CDIN1: variants seen among roughly 807,000 people sequenced by gnomAD.
CDIN1 encodes the protein CDAN1-interacting nuclease 1.
In CDIN1, 33 loss-of-function variants were observed where a neutral mutation model predicts 45.3. That is an observed-to-expected ratio of 0.73 (90% CI 0.55 to 0.97). The LOEUF is 0.97. Among genes scored for constraint, CDIN1 ranks in the 50% least tolerant of loss-of-function variants. The probability of loss-of-function intolerance (pLI) is 0.00; values close to 1 mark genes in which losing one functional copy is unlikely to be tolerated. For missense variants in CDIN1, 303 were observed against 339.4 expected (o/e 0.89, Z 0.84); for synonymous variants, 118 against 124.4 (o/e 0.95, Z 0.34).
intron 1 of CDIN1, chr15:36,617,714 A>C (rs1305901166): frequency 6.4e-6 from 5 of 786,710 alleles, no homozygotes; most frequent in African/African-American, 5.1e-5. Context: ...TTCCTGAAAC[A>C]ACACCAATAG....
intron 10 of CDIN1, among the ~76,000 whole-genome samples, chr15:36,803,375 C>T (rs543405472): frequency 2.0e-5 from 3 of 151,774 alleles, no homozygotes; most frequent in Admixed American, 6.6e-5. Context: ...GGCAGTCCCG[C>T]GAACCTAGGT....
chr15:36,789,078 C>T (rs2054580584), intron 10 of CDIN1, among the ~76,000 whole-genome samples: 1 of 152,170 alleles, frequency 6.6e-6, no homozygotes, highest in Non-Finnish European at 1.5e-5. Context: ...ACAAAAAAAT[C>T]TCATAATGTT....
chr15:36,615,429 G>A (rs976491664), intron 1 of CDIN1, among the ~76,000 whole-genome samples: 1 of 152,142 alleles, frequency 6.6e-6, no homozygotes, highest in African/African-American at 2.4e-5. Context: ...TTTTGATACT[G>A]AATATTGACA....
chr15:36,594,329 A>C (rs2037718502), intron 1 of CDIN1, among the ~76,000 whole-genome samples: 1 of 152,224 alleles, frequency 6.6e-6, no homozygotes, highest in Admixed American at 6.5e-5. Flanking sequence ...ATTCCCAAAG[A>C]CTATGGAAGC....
At chr15:36,751,227 TTTTATATA>T (rs1245239904) in intron 10 of CDIN1, among the ~76,000 whole-genome samples, 7 of 34,396 alleles carry the variant, frequency 2.0e-4, no homozygotes, top group East Asian at 2.3e-3. Context: ...TATATGCTTA[TTTTATATA>T]TATATATATA....
chr15:36,691,575 G>A (rs1419692669), intron 5 of CDIN1, 110 bp from the exon 6 acceptor site: 3 of 657,254 alleles, frequency 4.6e-6, no homozygotes, highest in Non-Finnish European at 7.7e-6. Context: ...ATTAATGCCA[G>A]TCATATTTTT....
chr15:36,648,747 G>A (rs2040457191), intron 3 of CDIN1: 1 of 152,112 alleles, frequency 6.6e-6, no homozygotes, highest in South Asian at 2.1e-4. Flanking sequence ...TTCTATTATT[G>A]TAAATAAAAC....
intron 10 of CDIN1, among the ~76,000 whole-genome samples, chr15:36,763,970 C>T (rs1288348606): frequency 2.6e-5 from 4 of 152,136 alleles, no homozygotes; most frequent in Non-Finnish European, 4.4e-5. Flanking sequence ...ATTCTCTATG[C>T]GTACCAAAAC....
At chr15:36,622,652 A>G (rs780355662) in intron 1 of CDIN1, among the ~76,000 whole-genome samples, 2 of 152,146 alleles carry the variant, frequency 1.3e-5, no homozygotes, top group Non-Finnish European at 2.9e-5. Context: ...GTAACAGCAA[A>G]TGGGACTTAT....
intron 10 of CDIN1, among the ~76,000 whole-genome samples, chr15:36,802,084 A>G (rs2141133913): frequency 6.6e-6 from 1 of 152,296 alleles, no homozygotes; most frequent in Non-Finnish European, 1.5e-5. Flanking sequence ...TATAAACACA[A>G]GGTATAATGA....
At chr15:36,582,624 C>A (rs567209714) in intron 1 of CDIN1, among the ~76,000 whole-genome samples, 1 of 152,260 alleles carries the variant, frequency 6.6e-6, no homozygotes, top group African/African-American at 2.4e-5. Flanking sequence ...TAAAAATAGT[C>A]GTGTTGACCC....
chr15:36,670,646 TC>T (rs2041416500), intron 5 of CDIN1, among the ~76,000 whole-genome samples: 1 of 152,256 alleles, frequency 6.6e-6, no homozygotes, highest in Admixed American at 6.5e-5. Context: ...TGCTGGATGA[TC>T]AGTGAATACC....
chr15:36,709,122 C>T, intron 8 of CDIN1, 101 bp from the exon 9 acceptor site: 1 of 937,644 alleles, frequency 1.1e-6, no homozygotes, highest in Non-Finnish European at 1.5e-6. Context: ...TGTATGACTA[C>T]AGTAGTAATT....
At chr15:36,687,661 A>C (rs1163254202) in intron 5 of CDIN1, among the ~76,000 whole-genome samples, 2 of 152,180 alleles carry the variant, frequency 1.3e-5, no homozygotes, top group Non-Finnish European at 2.9e-5. Context: ...ATAAGGAGAA[A>C]CTGACAACTC....
At chr15:36,795,557 A>G (rs1350603251) in intron 10 of CDIN1, among the ~76,000 whole-genome samples, 1 of 152,226 alleles carries the variant, frequency 6.6e-6, no homozygotes, top group Non-Finnish European at 1.5e-5. Context: ...CAGGCACAGC[A>G]GTGTCATGTT....
At chr15:36,713,155 T>C (rs945826767) in intron 10 of CDIN1, among the ~76,000 whole-genome samples, 8 of 152,176 alleles carry the variant, frequency 5.3e-5, no homozygotes, top group African/African-American at 1.9e-4. Flanking sequence ...CACATTGTCC[T>C]TACTTTTGGT....
At chr15:36,702,127 A>T (rs1213308800) in intron 8 of CDIN1, 1 of 702,028 alleles carries the variant, frequency 1.4e-6, no homozygotes, top group Non-Finnish European at 2.6e-6. Flanking sequence ...ACGATTATGT[A>T]GGCTGAAGGG....
intron 10 of CDIN1, among the ~76,000 whole-genome samples, chr15:36,763,470 T>C (rs1212664447): frequency 2.0e-5 from 3 of 152,116 alleles, no homozygotes; most frequent in African/African-American, 7.2e-5. Context: ...TTGCACCTCA[T>C]GGGAGTTCAG....
At chr15:36,652,729 G>C (rs952769556) in intron 3 of CDIN1, among the ~76,000 whole-genome samples, 1 of 152,084 alleles carries the variant, frequency 6.6e-6, no homozygotes, top group African/African-American at 2.4e-5. Context: ...TGATCCAGAG[G>C]TTCTCCCCAC....
Sources: allele counts gnomAD v4.1 joint callset (sites outside exome capture counted in the v4.1 genomes callset), GRCh38; gene constraint gnomAD v4.1.1; transcripts MANE v1.5; gene names NCBI Gene and HGNC (gene_info 2026-07-23, HGNC 2026-07-21).